The following ZFAND3 variants were observed in gnomAD, a reference collection of about 807,000 sequenced individuals.
The protein encoded by ZFAND3 is AN1-type zinc finger protein 3.
Under a neutral mutation model 29.6 loss-of-function variants are expected in ZFAND3, and 10 were observed. The ratio of observed to expected loss-of-function variants is 0.34; its 90% CI spans 0.21 to 0.57. ZFAND3 has a LOEUF of 0.57. Ranked by LOEUF, ZFAND3 falls within the 20% of genes least tolerant of loss-of-function variation. ZFAND3 has a pLI of 0.86. For synonymous variants in ZFAND3, 128 were observed against 112.6 expected, an observed-to-expected ratio of 1.14 and a Z score of -0.87; for missense variants, 230 against 304.5, an observed-to-expected ratio of 0.76 and a Z score of 1.82.
intron 2 of ZFAND3, among the ~76,000 whole-genome samples, chr6:37,950,298 C>G (rs554735658): frequency 6.6e-6 from 1 of 150,860 alleles, no homozygotes; most frequent in South Asian, 2.1e-4. Context: ...GGAAGGAGTC[C>G]AGTTTCAATC....
intron 3 of ZFAND3, among the ~76,000 whole-genome samples, chr6:38,079,399 A>G (rs987587216): frequency 1.3e-5 from 2 of 152,184 alleles, no homozygotes. Context: ...GCATGTTGAG[A>G]TATGCTAGGA....
chr6:38,036,796 A>T (rs570143243), intron 2 of ZFAND3, among the ~76,000 whole-genome samples: 1 of 152,164 alleles, frequency 6.6e-6, no homozygotes, highest in African/African-American at 2.4e-5. Context: ...AAATTTTAAC[A>T]GAAACAGGGT....
chr6:38,093,242 A>T (rs972203028), intron 4 of ZFAND3, among the ~76,000 whole-genome samples: 2 of 152,200 alleles, frequency 1.3e-5, no homozygotes, highest in Admixed American at 1.3e-4. Context: ...GATAAATCTG[A>T]TTAAGATATG....
At chr6:37,848,224 C>A (rs894557248) in intron 1 of ZFAND3, among the ~76,000 whole-genome samples, 1 of 152,212 alleles carries the variant, frequency 6.6e-6, no homozygotes, top group Admixed American at 6.5e-5. Flanking sequence ...TTATTTTGTT[C>A]TAACATGCTG....
chr6:38,078,078 T>C (rs1764588904), intron 3 of ZFAND3, among the ~76,000 whole-genome samples: 1 of 152,210 alleles, frequency 6.6e-6, no homozygotes, highest in African/African-American at 2.4e-5. Flanking sequence ...ACCCATGTCT[T>C]CAACTTTATA....
At chr6:38,093,373 GAA>G (rs2127474848) in intron 4 of ZFAND3, among the ~76,000 whole-genome samples, 1 of 152,310 alleles carries the variant, frequency 6.6e-6, no homozygotes, top group South Asian at 2.1e-4. Flanking sequence ...GGAGTAGGAA[GAA>G]AACTTGATTG....
chr6:37,908,542 TAA>T (rs70981504), intron 1 of ZFAND3, among the ~76,000 whole-genome samples: 11,740 of 123,988 alleles, frequency 0.095, 500 homozygotes, highest in Non-Finnish European at 0.11. Context: ...AAAAAAAAAT[TAA>T]AAAAAAAAAA....
At chr6:37,887,183 A>G (rs769655058) in intron 1 of ZFAND3, among the ~76,000 whole-genome samples, 2 of 152,194 alleles carry the variant, frequency 1.3e-5, no homozygotes, top group Non-Finnish European at 2.9e-5. Flanking sequence ...ATGTCATTCT[A>G]AGTATGAATT....
rs566960300 is a variant in ZFAND3, at chr6:38,103,413, G to A, written c.362-13159G>A. Among the ~76,000 whole-genome samples, 12 of 130,752 alleles carry A rather than the reference G, an allele frequency of 9.2e-5. No homozygotes were observed. The East Asian group carries it at 1.1e-3, about 12-fold the overall frequency. 85.8% of individuals were successfully genotyped at this position (130,752 alleles called of 152,430 possible). A position where few individuals can be genotyped will look rare whatever the true frequency, so the allele number is the denominator to read the frequency against. ...CACACACATATATATACACACACACGTATATACACACACATATATATACAC... is the reference window on the plus strand; with the variant it reads ...CACACACATATATATACACACACACATATATACACACACATATATATACAC... On this transcript the variant is annotated intron_variant, in intron 4 of 5. Coordinates refer to ENST00000287218, the MANE Select transcript of ZFAND3 (RefSeq NM_021943.3).
intron 2 of ZFAND3, among the ~76,000 whole-genome samples, chr6:37,955,285 T>C (rs952164112): frequency 1.3e-5 from 2 of 152,202 alleles, no homozygotes; most frequent in Non-Finnish European, 2.9e-5. Flanking sequence ...CCATCTTAGC[T>C]AGAAGTGGAA....
At chr6:37,891,416 T>TC (rs113061455) in intron 1 of ZFAND3, among the ~76,000 whole-genome samples, 10,112 of 117,100 alleles carry the variant, frequency 0.086, 1,055 homozygotes, top group African/African-American at 0.17. Context: ...GAGATTTCAG[T>TC]CCCCCCCCCC....
chr6:38,085,776 A>G (rs1379242855), intron 4 of ZFAND3, among the ~76,000 whole-genome samples: 6 of 152,132 alleles, frequency 3.9e-5, no homozygotes, highest in Non-Finnish European at 7.3e-5. Context: ...TACACACACA[A>G]ATATATACAT....
chr6:37,939,728 C>T (rs936800436), intron 2 of ZFAND3, among the ~76,000 whole-genome samples: 1 of 152,076 alleles, frequency 6.6e-6, no homozygotes, highest in Non-Finnish European at 1.5e-5. Flanking sequence ...TTAGACGACC[C>T]TCTGTGACAT....
intron 1 of ZFAND3, among the ~76,000 whole-genome samples, chr6:37,837,932 G>A (rs1042848976): frequency 1.3e-5 from 2 of 152,004 alleles, no homozygotes; most frequent in African/African-American, 2.4e-5. Context: ...TAAATATTAC[G>A]GCAACTTGAT....
At chr6:37,933,973 C>T (rs955641535) in intron 2 of ZFAND3, among the ~76,000 whole-genome samples, 3 of 150,352 alleles carry the variant, frequency 2.0e-5, no homozygotes, top group African/African-American at 4.9e-5. Flanking sequence ...CCGCAACCTC[C>T]GCCTCCCGGG....
intron 1 of ZFAND3, among the ~76,000 whole-genome samples, chr6:37,834,836 G>T (rs1763937245): frequency 8.0e-6 from 1 of 125,066 alleles, no homozygotes; most frequent in Non-Finnish European, 1.6e-5. Context: ...TGATATATGT[G>T]TGTATGCATG....
intron 1 of ZFAND3, among the ~76,000 whole-genome samples, chr6:37,889,003 A>G (rs1387697633): frequency 3.3e-5 from 5 of 152,234 alleles, no homozygotes. Flanking sequence ...GCAGTAGCAC[A>G]TGGACCATCT....
chr6:37,974,084 C>T (rs1330716625), intron 2 of ZFAND3, among the ~76,000 whole-genome samples: 1 of 152,196 alleles, frequency 6.6e-6, no homozygotes, highest in Non-Finnish European at 1.5e-5. Flanking sequence ...AATTCCCATA[C>T]CTGCCACCTT....
At chr6:37,920,608 C>T (rs1415015889) in intron 1 of ZFAND3, among the ~76,000 whole-genome samples, 1 of 152,194 alleles carries the variant, frequency 6.6e-6, no homozygotes, top group Non-Finnish European at 1.5e-5. Context: ...TACAGTAACC[C>T]ACTTGGAATC....
Sources: gnomAD v4.1 joint callset for allele counts (sites outside exome capture counted in the v4.1 genomes callset) on GRCh38, gnomAD v4.1.1 for gene constraint, MANE v1.5 for transcripts, NCBI Gene and HGNC (gene_info 2026-07-23, HGNC 2026-07-21) for gene names.